The following ADAMTSL1 variants were observed in gnomAD, a reference collection of about 807,000 sequenced individuals.
The protein encoded by ADAMTSL1 is ADAMTS like 1, also known as ADAMTS-like protein 1.
Under a neutral mutation model 201.8 loss-of-function variants are expected in ADAMTSL1, and 126 were observed. That is an observed-to-expected ratio of 0.62 (90% CI 0.54 to 0.72). The LOEUF (loss-of-function observed/expected upper bound fraction) is 0.72, where lower values mean the gene tolerates loss of function less well. Among genes scored for constraint, ADAMTSL1 ranks in the 30% least tolerant of loss-of-function variants. The probability of loss-of-function intolerance (pLI) is 0.00; values close to 1 mark genes in which losing one functional copy is unlikely to be tolerated. For missense variants in ADAMTSL1, 2,679 were observed against 2,277.8 expected, an observed-to-expected ratio of 1.18 and a Z score of -3.59; for synonymous variants, 1,121 against 903.4, an observed-to-expected ratio of 1.24 and a Z score of -4.32.
At chr9:18,868,148 A>G (rs1010573280) in intron 23 of ADAMTSL1, among the ~76,000 whole-genome samples, 6 of 152,176 alleles carry the variant, frequency 3.9e-5, no homozygotes, top group African/African-American at 7.2e-5. Flanking sequence ...CAGAAAATAT[A>G]TGTCATTTCT....
chr9:18,001,750 G>A (rs1176463532), intron 1 of ADAMTSL1, among the ~76,000 whole-genome samples: 1 of 151,992 alleles, frequency 6.6e-6, no homozygotes, highest in African/African-American at 2.4e-5. Flanking sequence ...AGAGGTTGGG[G>A]GTGGAGAGCT....
chr9:18,681,126 A>G (rs974531945), intron 11 of ADAMTSL1: 3 of 152,768 alleles, frequency 2.0e-5, no homozygotes, highest in African/African-American at 4.8e-5. Context: ...AAACAGAAAG[A>G]TGAAATAAGC....
chr9:18,507,779 G>T (rs1817775105), intron 2 of ADAMTSL1, among the ~76,000 whole-genome samples: 1 of 152,168 alleles, frequency 6.6e-6, no homozygotes, highest in South Asian at 2.1e-4. Context: ...TTTCAAAAGG[G>T]TCTGACAGCT....
At chr9:18,340,517 A>C (rs1835425332) in intron 2 of ADAMTSL1, among the ~76,000 whole-genome samples, 1 of 152,086 alleles carries the variant, frequency 6.6e-6, no homozygotes, top group Non-Finnish European at 1.5e-5. Flanking sequence ...CCTGTGACTC[A>C]AGTAATCACC....
chr9:18,560,845 G>A (rs1821439929), intron 3 of ADAMTSL1, among the ~76,000 whole-genome samples: 1 of 150,562 alleles, frequency 6.6e-6, no homozygotes, highest in Non-Finnish European at 1.5e-5. Flanking sequence ...TGGGATCGGT[G>A]GTGATATCCC....
At chr9:18,205,914 C>T (rs1200051458) in intron 2 of ADAMTSL1, among the ~76,000 whole-genome samples, 1 of 151,746 alleles carries the variant, frequency 6.6e-6, no homozygotes, top group East Asian at 1.9e-4. Context: ...ATTAGCCAGG[C>T]ATGATGGCAT....
At chr9:17,913,851 C>T (rs1825984692) in intron 1 of ADAMTSL1, among the ~76,000 whole-genome samples, 1 of 152,124 alleles carries the variant, frequency 6.6e-6, no homozygotes, top group African/African-American at 2.4e-5. Context: ...CACCACCGAT[C>T]CCACAGAAAT....
At position 18,908,929 on chromosome 9, in the gene ADAMTSL1, A is replaced by G. The variant is rs1276267898; in HGVS notation, c.*381A>G. The G allele has an allele frequency of 1.1e-5, 2 of 177,458 alleles. No individual in the cohort carries two copies. The highest frequency in any genetic ancestry group is 4.8e-5 in the African/African-American group (2 of 41,864). The allele number at this position is 177,458 out of a possible 1,614,324, so 11.0% of individuals were successfully genotyped here. ...AGGTTTGTAGCCTATTGGTGCAAAC[A>G]TTGGACAAATTCCTGTGTCTTTCCT... On this transcript the variant is annotated 3_prime_UTR_variant, in exon 29 of 29. Transcript: ENST00000380548.
At chr9:18,773,377 G>A (rs1349887135) in intron 17 of ADAMTSL1, among the ~76,000 whole-genome samples, 1 of 151,702 alleles carries the variant, frequency 6.6e-6, no homozygotes, top group African/African-American at 2.4e-5. Flanking sequence ...CCTATTTTAT[G>A]GAAGTTGCTC....
chr9:18,056,096 G>C (rs1487793103), intron 1 of ADAMTSL1, among the ~76,000 whole-genome samples: 1 of 151,676 alleles, frequency 6.6e-6, no homozygotes, highest in Non-Finnish European at 1.5e-5. Context: ...TAAGGGGAAA[G>C]AGGCCTTAGG....
chr9:18,359,739 T>C (rs141878374), intron 2 of ADAMTSL1, among the ~76,000 whole-genome samples: 80 of 152,060 alleles, frequency 5.3e-4, no homozygotes, highest in African/African-American at 1.9e-3. Context: ...ATATTATTTT[T>C]AACTTTTCTA....
chr9:18,207,607 A>G (rs1829706362), intron 2 of ADAMTSL1, among the ~76,000 whole-genome samples: 1 of 152,218 alleles, frequency 6.6e-6, no homozygotes, highest in Non-Finnish European at 1.5e-5. Flanking sequence ...AAACTCTTTA[A>G]TGCAGATGAA....
chr9:18,585,409 AT>A (rs1159604353), intron 4 of ADAMTSL1, among the ~76,000 whole-genome samples: 2 of 152,290 alleles, frequency 1.3e-5, no homozygotes, highest in African/African-American at 4.8e-5. Flanking sequence ...AAATTTTATT[AT>A]TTTTAGTGAT....
chr9:18,362,156 A>G (rs1364516552), intron 2 of ADAMTSL1: 2 of 152,200 alleles, frequency 1.3e-5, no homozygotes, highest in African/African-American at 4.8e-5. Flanking sequence ...GGGCACATAG[A>G]TTCTCTCCCA....
chr9:18,249,969 T>C (rs1306454130), intron 2 of ADAMTSL1, among the ~76,000 whole-genome samples: 1 of 152,216 alleles, frequency 6.6e-6, no homozygotes, highest in African/African-American at 2.4e-5. Flanking sequence ...CTCAAAAATA[T>C]ATACTTATTA....
chr9:17,966,634 G>A (rs534369029), intron 1 of ADAMTSL1, among the ~76,000 whole-genome samples: 24 of 152,188 alleles, frequency 1.6e-4, no homozygotes, highest in African/African-American at 5.5e-4. Flanking sequence ...CTTTTTGTCT[G>A]TAGATTTCCC....
At position 18,224,973 on chromosome 9, in the gene ADAMTSL1, AT is replaced by A. The variant is rs1315848369; in HGVS notation, c.207+60993del. 2.6e-5 allele frequency among the ~76,000 whole-genome samples: 4 copies of A among 152,222 alleles called. No individual in the cohort carries two copies. The East Asian group carries it at 7.7e-4, about 29-fold the overall frequency. On this transcript the variant is annotated intron_variant, in intron 2 of 29. Coordinates refer to the ADAMTSL1 transcript ENST00000680146. ...TACCTCATTATCAGCATCTTCATGC[AT>A]AAAACTTTTTCTAAATTTCTCATCT...
At chr9:18,297,035 A>G (rs920159130) in intron 2 of ADAMTSL1, among the ~76,000 whole-genome samples, 1 of 152,232 alleles carries the variant, frequency 6.6e-6, no homozygotes, top group Admixed American at 6.5e-5. Context: ...AGAGATACAT[A>G]AAAGTTAAGG....
At chr9:18,581,127 G>T (rs1337260886) in intron 4 of ADAMTSL1, among the ~76,000 whole-genome samples, 2 of 151,982 alleles carry the variant, frequency 1.3e-5, no homozygotes, top group African/African-American at 2.4e-5. Context: ...TGCCTCTTTT[G>T]CCTCTTCCTA....
Sources: gnomAD v4.1 joint callset for allele counts (sites outside exome capture counted in the v4.1 genomes callset) on GRCh38, gnomAD v4.1.1 for gene constraint, MANE v1.5 for transcripts, NCBI Gene and HGNC (gene_info 2026-07-23, HGNC 2026-07-21) for gene names.